Variants in CPNE2 observed in about 807,000 individuals in gnomAD.
CPNE2 encodes the protein copine 2, also known as copine-2.
A neutral mutation model predicts 69.7 loss-of-function variants in CPNE2; 42 were observed. That is an observed-to-expected ratio of 0.60 (90% CI 0.47 to 0.78). The LOEUF (loss-of-function observed/expected upper bound fraction) is 0.78. Ranked by LOEUF, CPNE2 falls within the 30% of genes least tolerant of loss-of-function variation. The probability of loss-of-function intolerance (pLI) is 0.00; values close to 1 mark genes in which losing one functional copy is unlikely to be tolerated. For missense variants in CPNE2, 587 were observed against 732.0 expected (o/e 0.80, Z 2.29); for synonymous variants, 294 against 289.8 (o/e 1.01, Z -0.15).
At chr16:57,096,164 T>G (rs1000052790) in intron 1 of CPNE2, among the ~76,000 whole-genome samples, 3 of 152,216 alleles carry the variant, frequency 2.0e-5, no homozygotes, top group Non-Finnish European at 2.9e-5. Flanking sequence ...CTTGCCCTCT[T>G]GAGTCTCTGG....
chr16:57,138,583 C>T (rs2069899857), intron 14 of CPNE2, among the ~76,000 whole-genome samples: 1 of 152,180 alleles, frequency 6.6e-6, no homozygotes, highest in Admixed American at 6.5e-5. Context: ...GCTGTTCCCC[C>T]GCAGGTCCTT....
intron 1 of CPNE2, among the ~76,000 whole-genome samples, chr16:57,110,074 C>T (rs1353824211): frequency 1.3e-5 from 2 of 152,150 alleles, no homozygotes; most frequent in Non-Finnish European, 2.9e-5. Flanking sequence ...CTGAGACACC[C>T]ATGTCCACTG....
chr16:57,114,325 C>T (rs942187237), intron 3 of CPNE2, among the ~76,000 whole-genome samples: 2 of 152,162 alleles, frequency 1.3e-5, no homozygotes, highest in Non-Finnish European at 2.9e-5. Context: ...GGAAGGAAGG[C>T]AGGGTGAGGA....
chr16:57,121,664 C>T lies in CPNE2; in HGVS notation c.781-10C>T, dbSNP rs780756258. 1.9e-6 allele frequency: 3 copies of T among 1,613,522 alleles called. No homozygotes were observed. Among genetic ancestry groups the T allele is most frequent in the Middle Eastern group, 1.7e-4 (1 of 6,058 alleles). ...CCGAGGTGAGTGTCTCTTTCTTTTG[C>T]GTTGCCCAGCTGGAGTTCGAGTGCA... On this transcript the variant is annotated splice_polypyrimidine_tract_variant and intron_variant, in intron 8 of 15. Transcript: ENST00000290776.
At chr16:57,116,852 G>GAGGCCCCAGCGAA (rs578160427) in intron 4 of CPNE2, among the ~76,000 whole-genome samples, 214 of 152,298 alleles carry the variant, frequency 1.4e-3, no homozygotes, top group African/African-American at 4.9e-3. Context: ...GAGAGGAGAG[G>GAGGCCCCAGCGAA]AGGCCCCAGC....
intron 9 of CPNE2, among the ~76,000 whole-genome samples, chr16:57,123,119 T>C (rs569890029): frequency 2.6e-5 from 4 of 152,236 alleles, no homozygotes; most frequent in South Asian, 2.1e-4. Context: ...CAGTGACAAA[T>C]TGAGACACTC....
At chr16:57,137,072 T>A in intron 13 of CPNE2, 77 bp from the exon 14 acceptor site, 1 of 1,564,022 alleles carries the variant, frequency 6.4e-7, no homozygotes, top group Non-Finnish European at 8.7e-7. Context: ...ATGAAATAGA[T>A]GTTTCATCAG....
chr16:57,142,178 T>C (rs1314753571), intron 14 of CPNE2: 2 of 152,238 alleles, frequency 1.3e-5, no homozygotes, highest in Non-Finnish European at 2.9e-5. Flanking sequence ...GCCTGCAGTC[T>C]AGTGAGGAGC....
rs149347656 is a variant in CPNE2, at chr16:57,115,002, G to T, written c.361-474G>T. Among the ~76,000 whole-genome samples, 356 of 145,014 alleles carry T rather than the reference G, an allele frequency of 2.5e-3. 1 individual carries two copies. Among genetic ancestry groups the T allele is most frequent in the Middle Eastern group, 0.015 (4 of 264 alleles). Reference sequence around the variant, plus strand: ...CATGCCTGTAGTCCCAGCTACCCAGGAGGCTGAGGTGGGAGGATCGCTTGA... The same window carrying T: ...CATGCCTGTAGTCCCAGCTACCCAGTAGGCTGAGGTGGGAGGATCGCTTGA... On this transcript the variant is annotated intron_variant, in intron 3 of 15. Transcript: ENST00000290776.
In CPNE2 at chr16:57,113,142, CT is replaced by C; in HGVS notation, c.181-145del. The C allele has an allele frequency of 7.1e-6, 5 of 699,430 alleles. No individual in the cohort carries two copies. In the South Asian group the frequency reaches 9.2e-5, roughly 13 times the overall value. 43.3% of individuals were successfully genotyped at this position (699,430 alleles called of 1,614,324 possible). On this transcript the variant is annotated intron_variant, in intron 2 of 15. Transcript: ENST00000290776. ...GTGCTTCAGTGTCCTTGTCTGTGAG[CT>C]GGGGATAGTGAGTCACTGACGATGA...
At chr16:57,108,189 G>T (rs1345668877) in intron 1 of CPNE2, among the ~76,000 whole-genome samples, 3 of 152,156 alleles carry the variant, frequency 2.0e-5, no homozygotes, top group African/African-American at 7.2e-5. Flanking sequence ...TCTTCTTACT[G>T]TAGCATTCCC....
Position 57,121,080 on chromosome 16 carries a change from G to T in CPNE2, c.682-13G>T. On this transcript the variant is annotated splice_polypyrimidine_tract_variant and intron_variant, in intron 7 of 15. Coordinates refer to ENST00000290776, the MANE Select transcript of CPNE2 (RefSeq NM_152727.6). ...GGGACAGCTCTGGGGTGACCGTGCT[G>T]AACCCACCCCAGGTCATGTGCTACG... The T allele has an allele frequency of 6.2e-7, 1 of 1,608,990 alleles. No homozygotes were observed. The highest frequency in any genetic ancestry group is 1.1e-5 in the South Asian group (1 of 90,560).
At chr16:57,101,680 C>T (rs76890086) in intron 1 of CPNE2, among the ~76,000 whole-genome samples, 10,479 of 152,236 alleles carry the variant, frequency 0.069, 608 homozygotes, top group African/African-American at 0.14. Context: ...TCTGTAGCCT[C>T]GTGTCTCAAA....
intron 13 of CPNE2, among the ~76,000 whole-genome samples, chr16:57,136,795 T>G (rs1456571368): frequency 6.6e-6 from 1 of 152,132 alleles, no homozygotes; most frequent in African/African-American, 2.4e-5. Flanking sequence ...ATGCCTGTAG[T>G]CCCAGCTACT....
At chr16:57,145,346 CATAGAATTGA>C (rs1235073944) in intron 14 of CPNE2, among the ~76,000 whole-genome samples, 4 of 152,314 alleles carry the variant, frequency 2.6e-5, no homozygotes, top group African/African-American at 9.6e-5. Flanking sequence ...GGGTGCAGTT[CATAGAATTGA>C]AAGGCCACTG....
intron 11 of CPNE2, among the ~76,000 whole-genome samples, chr16:57,127,592 T>C (rs117726982): frequency 0.037 from 5,676 of 152,270 alleles, 141 homozygotes; most frequent in South Asian, 0.071. Flanking sequence ...CTAGAAGCTG[T>C]GCCCAGGCCC....
At position 57,098,801 on chromosome 16, in the gene CPNE2, T is replaced by C. The variant is rs528860772; in HGVS notation, c.-36+6011T>C. ...TGGGAGCAACGAAATGGAAACAGGG[T>C]TTGGTTCCATCTTTAAGCTCCAGTG... On this transcript the variant is annotated intron_variant, in intron 1 of 15. Transcript: ENST00000290776. Among the ~76,000 whole-genome samples the C allele has an allele frequency of 2.0e-4, 30 of 152,230 alleles. No homozygotes were observed. In the South Asian group the frequency reaches 5.2e-3, roughly 26 times the overall value.
chr16:57,117,181 A>G (rs1419202234), intron 4 of CPNE2, among the ~76,000 whole-genome samples: 12 of 152,126 alleles, frequency 7.9e-5, no homozygotes, highest in African/African-American at 2.9e-4. Context: ...TCTCTGGGCC[A>G]GAACCTCTCC....
intron 5 of CPNE2, 94 bp from the exon 6 acceptor site, chr16:57,119,101 A>C: frequency 1.8e-6 from 2 of 1,114,554 alleles, no homozygotes; most frequent in Non-Finnish European, 2.7e-6. Context: ...TCCTATCCTG[A>C]CACCCGGCTG....
Sources: gnomAD v4.1 joint callset for allele counts (sites outside exome capture counted in the v4.1 genomes callset) on GRCh38, gnomAD v4.1.1 for gene constraint, MANE v1.5 for transcripts, NCBI Gene and HGNC (gene_info 2026-07-23, HGNC 2026-07-21) for gene names.